NEK6: variants seen among roughly 807,000 people sequenced by gnomAD.
The protein encoded by NEK6 is NIMA related kinase 6.
Under a neutral mutation model 43.5 loss-of-function variants are expected in NEK6, and 27 were observed. That is an observed-to-expected ratio of 0.62 (90% CI 0.46 to 0.86). The LOEUF (loss-of-function observed/expected upper bound fraction) is 0.86. Ranked by LOEUF, NEK6 falls within the 40% of genes least tolerant of loss-of-function variation. NEK6 has a pLI of 0.00. For missense variants in NEK6, 318 were observed against 414.4 expected (o/e 0.77, Z 2.02); for synonymous variants, 167 against 164.1 (o/e 1.02, Z -0.14).
At chr9:124,327,681 A>G (rs1025751409) in intron 7 of NEK6, among the ~76,000 whole-genome samples, 2 of 152,140 alleles carry the variant, frequency 1.3e-5, no homozygotes, top group Non-Finnish European at 2.9e-5. Flanking sequence ...CTTGCGGGAG[A>G]AGCTGACTGA....
At chr9:124,311,910 G>A (rs1441844181) in intron 2 of NEK6, among the ~76,000 whole-genome samples, 1 of 152,154 alleles carries the variant, frequency 6.6e-6, no homozygotes, top group Non-Finnish European at 1.5e-5. Flanking sequence ...GGCTGGTCTC[G>A]AACTCCTGAC....
At chr9:124,291,810 G>A in intron 1 of NEK6, 1 of 985,360 alleles carries the variant, frequency 1.0e-6, no homozygotes, top group Non-Finnish European at 1.2e-6. Context: ...GGTAAGCAGG[G>A]GGCTCCGTGG....
chr9:124,276,241 A>G (rs1026540046), intron 1 of NEK6, among the ~76,000 whole-genome samples: 2 of 152,100 alleles, frequency 1.3e-5, no homozygotes, highest in African/African-American at 4.8e-5. Context: ...GTCAGAAGAA[A>G]TGCTCCCCAG....
At chr9:124,273,021 T>C (rs555524882) in intron 1 of NEK6, among the ~76,000 whole-genome samples, 55 of 152,324 alleles carry the variant, frequency 3.6e-4, no homozygotes, top group African/African-American at 1.3e-3. Flanking sequence ...TGCTGGGTGC[T>C]GCAGGAGAGC....
chr9:124,316,817 G>A (rs1833837719), intron 4 of NEK6, among the ~76,000 whole-genome samples: 2 of 152,328 alleles, frequency 1.3e-5, no homozygotes, highest in East Asian at 3.9e-4. Context: ...GGGAAATGGG[G>A]GAGGAGTCTC....
At chr9:124,279,574 A>T (rs576179975) in intron 1 of NEK6, among the ~76,000 whole-genome samples, 1 of 152,160 alleles carries the variant, frequency 6.6e-6, no homozygotes, top group Non-Finnish European at 1.5e-5. Context: ...AAGTGCTGGG[A>T]TTACATGCGT....
intron 3 of NEK6, 52 bp downstream of exon 3, chr9:124,312,701 C>T: frequency 6.4e-7 from 1 of 1,574,002 alleles, no homozygotes; most frequent in Non-Finnish European, 8.7e-7. Context: ...GTGGTCTCTG[C>T]ATCTGGACGG....
At chr9:124,278,937 T>G (rs1045994161) in intron 1 of NEK6, among the ~76,000 whole-genome samples, 1 of 152,192 alleles carries the variant, frequency 6.6e-6, no homozygotes, top group African/African-American at 2.4e-5. Flanking sequence ...AGACCTCCTG[T>G]GTACCGGGGC....
intron 1 of NEK6, among the ~76,000 whole-genome samples, chr9:124,262,468 C>A (rs1303767476): frequency 6.6e-6 from 1 of 152,250 alleles, no homozygotes; most frequent in Non-Finnish European, 1.5e-5. Flanking sequence ...TGGAAACAGA[C>A]CCCCACATAC....
At chr9:124,270,154 G>T (rs1241941168) in intron 1 of NEK6, among the ~76,000 whole-genome samples, 1 of 152,016 alleles carries the variant, frequency 6.6e-6, no homozygotes, top group Non-Finnish European at 1.5e-5. Flanking sequence ...GCTGCCATTG[G>T]TCCTGCCTGT....
At chr9:124,267,013 A>G (rs888578101) in intron 1 of NEK6, among the ~76,000 whole-genome samples, 1 of 152,192 alleles carries the variant, frequency 6.6e-6, no homozygotes. Flanking sequence ...ATGTCTGCAT[A>G]GGAGGGCTTT....
intron 7 of NEK6, among the ~76,000 whole-genome samples, chr9:124,336,823 A>G (rs780999998): frequency 1.3e-5 from 2 of 152,162 alleles, no homozygotes; most frequent in Non-Finnish European, 2.9e-5. Context: ...AGCCTGGCCA[A>G]CATGGTGAAA....
intron 4 of NEK6, among the ~76,000 whole-genome samples, 185 bp downstream of exon 4, chr9:124,314,170 C>T (rs776522911): frequency 6.6e-5 from 10 of 152,176 alleles, no homozygotes; most frequent in East Asian, 3.9e-4. Flanking sequence ...AGGAGCGGCC[C>T]GCCTCATCGC....
At chr9:124,335,679 G>A (rs1476767190) in intron 7 of NEK6, among the ~76,000 whole-genome samples, 9 of 152,220 alleles carry the variant, frequency 5.9e-5, no homozygotes, top group Non-Finnish European at 5.9e-5. Flanking sequence ...ACTATGAGCC[G>A]TCCTGCGCAG....
chr9:124,343,822 C>A lies in NEK6; in HGVS notation c.718-3887C>A, dbSNP rs1225250880. ...ACACAGCCGGAGAAAACCTGCCCTT[C>A]CCCAAGCCCCAGCACAGCCCGGAAG... On this transcript the variant is annotated intron_variant, in intron 8 of 9. Coordinates refer to ENST00000320246, the MANE Select transcript of NEK6 (RefSeq NM_014397.6). The surrounding 1 kb of genome is among the most constrained non-coding windows in gnomAD (Gnocchi z 5.1). 2.6e-5 allele frequency among the ~76,000 whole-genome samples: 4 copies of A among 152,186 alleles called. No homozygotes were observed. Among genetic ancestry groups the A allele is most frequent in the Admixed American group, 6.5e-5 (1 of 15,278 alleles).
At chr9:124,295,634 A>C (rs547136380) in intron 1 of NEK6, among the ~76,000 whole-genome samples, 2 of 152,276 alleles carry the variant, frequency 1.3e-5, no homozygotes, top group African/African-American at 4.8e-5. Flanking sequence ...AACAGTGTGG[A>C]TCATAGCAGG....
At chr9:124,316,743 G>A (rs1833833399) in intron 4 of NEK6, among the ~76,000 whole-genome samples, 1 of 152,218 alleles carries the variant, frequency 6.6e-6, no homozygotes, top group African/African-American at 2.4e-5. Context: ...TTCTGCCTGT[G>A]CCTGTGTAGA....
chr9:124,284,661 C>T (rs972082822), intron 1 of NEK6, among the ~76,000 whole-genome samples: 4 of 152,246 alleles, frequency 2.6e-5, no homozygotes, highest in African/African-American at 9.6e-5. Flanking sequence ...TGTCCTTCCA[C>T]ACCTGCCCCT....
chr9:124,259,408 G>T (rs1830937044), intron 1 of NEK6: 1 of 152,142 alleles, frequency 6.6e-6, no homozygotes, highest in African/African-American at 2.4e-5. Context: ...CCGTCTGGAA[G>T]CGCCTGCCCC....
Sources: allele counts gnomAD v4.1 joint callset (sites outside exome capture counted in the v4.1 genomes callset), GRCh38; gene constraint gnomAD v4.1.1; non-coding constraint Gnocchi (gnomAD v3.1); transcripts MANE v1.5; gene names NCBI Gene and HGNC (gene_info 2026-07-23, HGNC 2026-07-21).